The following KRT72 variants were observed in gnomAD, a reference collection of about 807,000 sequenced individuals.
KRT72 encodes keratin, type II cytoskeletal 72.
KRT72 carries 44 observed loss-of-function variants against 44.7 expected under a neutral mutation model. The ratio of observed to expected loss-of-function variants is 0.98; its 90% confidence interval spans 0.77 to 1.27. The LOEUF is 1.27. KRT72 is among the 50% of genes most tolerant of loss of function. KRT72 has a pLI of 0.00. For synonymous variants in KRT72, 302 were observed against 280.4 expected (o/e 1.08, Z -0.77); for missense variants, 736 against 667.1 (o/e 1.10, Z -1.14).
Position 52,592,406 on chromosome 12 carries a change from A to G in KRT72, c.788T>C (p.Leu263Pro). ...LTDEIKFFKC[L>P]YEGEITQIQS... Reference sequence around the variant, plus strand: ...CAGCCAAGTCCTTACCCCTTCATAAAGGCACTTGAAGAATTTAATCTCATC... The same window carrying G: ...CAGCCAAGTCCTTACCCCTTCATAAGGGCACTTGAAGAATTTAATCTCATC... Residue 263 changes from leucine to proline, a missense_variant, in exon 4 of 9, where the codon CTT (leucine) becomes CCT (proline). By Grantham distance (98) the Leu-to-Pro change is moderately conservative. Coordinates refer to ENST00000293745, the MANE Select transcript of KRT72 (RefSeq NM_080747.3). 6.2e-7 allele frequency: 1 copy of G among 1,610,512 alleles called. No individual in the cohort carries two copies. The highest frequency in any genetic ancestry group is 8.5e-7 in the Non-Finnish European group (1 of 1,176,816).
intron 6 of KRT72, among the ~76,000 whole-genome samples, chr12:52,589,445 C>T (rs1259555751): frequency 2.6e-5 from 4 of 152,210 alleles, no homozygotes; most frequent in African/African-American, 9.6e-5. Flanking sequence ...CACACTGTCA[C>T]CTGAACTCAT....
intron 6 of KRT72, among the ~76,000 whole-genome samples, chr12:52,590,126 C>T (rs1240068186): frequency 1.3e-5 from 2 of 152,104 alleles, no homozygotes; most frequent in Non-Finnish European, 2.9e-5. Flanking sequence ...CCTTGCACTG[C>T]TTTCACAAAC....
rs1939981434 is a variant in KRT72 at position 52,590,872 on chromosome 12, C to T, written c.1053G>A (p.Gln351=). The T allele has an allele frequency of 2.5e-6, 4 of 1,602,766 alleles. No homozygotes were observed. In the East Asian group the frequency reaches 6.7e-5, roughly 27 times the overall value. ...AEISELNRLI[Q]RIRSEIGNVK... ...CATTCCCTATCTCTGAGCGGATCCT[C>T]TGGATCAGGCGGTTGAGCTCAGAGA... Residue 351 remains glutamine, a synonymous_variant, in exon 6 of 9, where the codon CAG becomes CAA. Coordinates refer to ENST00000293745, the MANE Select transcript of KRT72 (RefSeq NM_080747.3).
rs763669688 is a variant in KRT72 at position 52,591,604 on chromosome 12, T to G, written c.823A>C (p.Ile275Leu). ...GACAGGACGATGGACGTGTCGCTGA[T>G]GTGGGACTGGATCTGAGTGATCTCC... ...EGEITQIQSH[I>L]SDTSIVLSMD... Residue 275 changes from isoleucine (I) to leucine (L), a missense_variant, in exon 5 of 9, where the codon ATC becomes CTC. Physicochemically the swap from Ile to Leu is conservative, Grantham distance 5. Coordinates refer to ENST00000293745, the MANE Select transcript of KRT72 (RefSeq NM_080747.3). The G allele has an allele frequency of 2.5e-6, 4 of 1,613,402 alleles. No homozygotes were observed.
chr12:52,592,872 C>T lies in KRT72; in HGVS notation c.702+20G>A. ...TGGTCAGGTCTAGGCTTCTTCCAGC[C>T]CACCTGGCACCCCTCTTACCTTCTT... On this transcript the variant is annotated intron_variant, in intron 3 of 8. Transcript: ENST00000293745. 6.2e-7 allele frequency: 1 copy of T among 1,612,472 alleles called. No individual in the cohort carries two copies. The highest frequency in any genetic ancestry group is 8.5e-7 in the Non-Finnish European group (1 of 1,178,932).
At chr12:52,592,642 C>T (rs1940087317) in intron 3 of KRT72, 151 bp from the exon 4 acceptor site, 13 of 660,158 alleles carry the variant, frequency 2.0e-5, no homozygotes, top group South Asian at 1.9e-4. Flanking sequence ...TGAGAGTAAA[C>T]CAACTAACGT....
At chr12:52,599,323 G>T (rs1215147206) in intron 1 of KRT72, 2 of 637,006 alleles carry the variant, frequency 3.1e-6, no homozygotes, top group Admixed American at 4.2e-5. Context: ...TCAGGAAGAG[G>T]GCTTAAGCAA....
intron 1 of KRT72, among the ~76,000 whole-genome samples, chr12:52,600,642 C>T (rs535323045): frequency 4.6e-5 from 7 of 152,162 alleles, no homozygotes; most frequent in East Asian, 3.9e-4. Flanking sequence ...TTTCTCTGGC[C>T]GCCGCCATAT....
At chr12:52,601,756 A>G (rs1032010214), upstream of KRT72, among the ~76,000 whole-genome samples, 1 of 151,802 alleles carries the variant, frequency 6.6e-6, no homozygotes, top group Non-Finnish European at 1.5e-5. Flanking sequence ...CCTTATCTCC[A>G]CCTGCTGGCC....
intron 6 of KRT72, among the ~76,000 whole-genome samples, chr12:52,590,242 A>T (rs979449830): frequency 5.9e-5 from 9 of 152,198 alleles, no homozygotes; most frequent in African/African-American, 2.2e-4. Flanking sequence ...ACAGCACAGC[A>T]CTAGTGCAGG....
At chr12:52,602,927 A>T (rs1212412425), upstream of KRT72, among the ~76,000 whole-genome samples, 1 of 152,286 alleles carries the variant, frequency 6.6e-6, no homozygotes, top group East Asian at 1.9e-4. Flanking sequence ...TAAGCGCTGG[A>T]GATGGCACCG....
intron 1 of KRT72, 167 bp from the exon 2 acceptor site, chr12:52,599,279 C>G: frequency 1.4e-6 from 1 of 700,312 alleles, no homozygotes; most frequent in Non-Finnish European, 2.6e-6. Flanking sequence ...ACCTGGATCT[C>G]CAAGACAAGA....
Position 52,596,606 on chromosome 12 carries a change from C to T in KRT72, c.641+2292G>A, listed in dbSNP as rs185138250. 2.6e-3 allele frequency among the ~76,000 whole-genome samples: 393 copies of T among 150,728 alleles called. 3 individuals carry two copies. Among genetic ancestry groups the T allele is most frequent in the African/African-American group, 9.5e-3 (388 of 40,930 alleles). On this transcript the variant is annotated intron_variant, in intron 2 of 8. Coordinates refer to ENST00000293745, the MANE Select transcript of KRT72 (RefSeq NM_080747.3). Reference sequence around the variant, plus strand: ...TTGCTCTGTCACCCAGACTGGAGTGCGGTGGCTTGATCTCAGCTCACTGCA... The same window carrying T: ...TTGCTCTGTCACCCAGACTGGAGTGTGGTGGCTTGATCTCAGCTCACTGCA...
Position 52,595,578 on chromosome 12 carries a change from G to T in KRT72, c.642-2626C>A, listed in dbSNP as rs1940202280. Among the ~76,000 whole-genome samples the T allele has an allele frequency of 2.6e-5, 4 of 152,310 alleles. No homozygotes were observed. The South Asian group carries it at 8.3e-4, about 32-fold the overall frequency. ...GTTTTTCCAATGAAGCTAGAGGGCA[G>T]ATATTTTCTATATAAATTGAATGAG... On this transcript the variant is annotated intron_variant, in intron 2 of 8. Coordinates refer to ENST00000293745, the MANE Select transcript of KRT72 (RefSeq NM_080747.3).
rs1940431284 is a variant in KRT72 at position 52,601,164 on chromosome 12, T to C, written c.289A>G (p.Ile97Val). 6.2e-7 allele frequency: 1 copy of C among 1,613,308 alleles called. No individual in the cohort carries two copies. The highest frequency in any genetic ancestry group is 1.3e-5 in the African/African-American group (1 of 74,874). Residue 97 changes from isoleucine (I) to valine (V), a missense_variant, in exon 1 of 9, where the codon ATC becomes GTC. Physicochemically the swap from Ile to Val is conservative, Grantham distance 29 (BLOSUM62 3). Transcript: ENST00000293745. ...KCPSVCPPGG[I>V]PQVTVNKSLL... The stretch of plus-strand genomic sequence containing the variant: ...CTCTTGTTGACGGTGACCTGAGGGA[T>C]GCCCCCGGGTGGGCACACGGAGGGA...
At position 52,590,927 on chromosome 12, in the gene KRT72, C is replaced by T. The variant is rs1939986122; in HGVS notation, c.998G>A (p.Gly333Glu). ...AGCCTTGGTGAGCTTGAGGTCATCC[C>T]CATGCTGGCCTGCTGTGACCTGCAG... ...QELQVTAGQHGDDLKLTKAEI... is the reference protein window; with the variant it reads ...QELQVTAGQHEDDLKLTKAEI... The change falls in exon 6 of 9, where the codon GGG (glycine) becomes GAG (glutamate). Residue 333 changes from glycine (G) to glutamate (E), a missense_variant. Physicochemically the swap from Gly to Glu is moderately conservative, Grantham distance 98. Transcript: ENST00000293745. 14 of 1,605,758 alleles carry T rather than the reference C, an allele frequency of 8.7e-6. No homozygotes were observed. The highest frequency in any genetic ancestry group is 1.2e-5 in the Non-Finnish European group (14 of 1,174,196).
chr12:52,586,763 C>G (rs1451775899), intron 8 of KRT72, among the ~76,000 whole-genome samples, 183 bp downstream of exon 8: 2 of 152,194 alleles, frequency 1.3e-5, no homozygotes, highest in Non-Finnish European at 2.9e-5. Flanking sequence ...ACTTTTGTCT[C>G]TCATGATAGT....
Position 52,586,179 on chromosome 12 carries a change from T to C in KRT72, c.1346-7A>G. ...TTGGTGCTGCTGATGACGGCTGGAATGGATGAGAGAAGACCTCAGCCCCCG... is the reference window on the plus strand; with the variant it reads ...TTGGTGCTGCTGATGACGGCTGGAACGGATGAGAGAAGACCTCAGCCCCCG... On this transcript the variant is annotated splice_polypyrimidine_tract_variant and splice_region_variant and intron_variant, in intron 8 of 8. Transcript: ENST00000293745. The C allele has an allele frequency of 1.2e-6, 2 of 1,612,002 alleles. No homozygotes were observed. Among genetic ancestry groups the C allele is most frequent in the Non-Finnish European group, 1.7e-6 (2 of 1,178,740 alleles).
chr12:52,586,985 A>G lies in KRT72; in HGVS notation c.1311-5T>C, dbSNP rs1939782511. On this transcript the variant is annotated splice_region_variant and splice_polypyrimidine_tract_variant and intron_variant, in intron 7 of 8. Transcript: ENST00000293745. Reference sequence around the variant, plus strand: ...TTTGGATATTCGCCAGACATCCTGAAGAAGGAGAAGAAAAACAGGTAAATC... The same window carrying G: ...TTTGGATATTCGCCAGACATCCTGAGGAAGGAGAAGAAAAACAGGTAAATC... 5 of 1,613,570 alleles carry G rather than the reference A, an allele frequency of 3.1e-6. No individual in the cohort carries two copies. The highest frequency in any genetic ancestry group is 4.2e-6 in the Non-Finnish European group (5 of 1,179,574).
Sources: gnomAD v4.1 joint callset for allele counts (sites outside exome capture counted in the v4.1 genomes callset) on GRCh38, gnomAD v4.1.1 for gene constraint, MANE v1.5 for transcripts, NCBI Gene and HGNC (gene_info 2026-07-23, HGNC 2026-07-21) for gene names.